Variants in CACNA1E observed in about 807,000 individuals in gnomAD.
CACNA1E encodes voltage-dependent R-type calcium channel subunit alpha-1E.
A neutral mutation model predicts 259.2 loss-of-function variants in CACNA1E; 40 were observed. The ratio of observed to expected loss-of-function variants is 0.15; its 90% CI spans 0.12 to 0.20. The LOEUF (loss-of-function observed/expected upper bound fraction) is 0.20, where lower values mean the gene tolerates loss of function less well. Ranked by LOEUF, CACNA1E falls within the 10% of genes least tolerant of loss-of-function variation. The probability of loss-of-function intolerance (pLI) is 1.00; values close to 1 mark genes in which losing one functional copy is unlikely to be tolerated. For synonymous variants in CACNA1E, 1,104 were observed against 1,138.5 expected, an observed-to-expected ratio of 0.97 and a Z score of 0.61; for missense variants, 1,874 against 3,040.1, an observed-to-expected ratio of 0.62 and a Z score of 9.02.
At chr1:181,779,159 C>T (rs1236372572) in intron 38 of CACNA1E, among the ~76,000 whole-genome samples, 1 of 152,174 alleles carries the variant, frequency 6.6e-6, no homozygotes, top group Non-Finnish European at 1.5e-5. Context: ...CTGCATCTGG[C>T]CAGGTATGGT....
intron 2 of CACNA1E, among the ~76,000 whole-genome samples, chr1:181,452,498 G>A (rs1661216928): frequency 6.6e-6 from 1 of 152,154 alleles, no homozygotes; most frequent in Non-Finnish European, 1.5e-5. Context: ...CCTTGGGCTT[G>A]CAGGTGATGG....
chr1:181,744,723 A>G (rs1656893007), intron 25 of CACNA1E, among the ~76,000 whole-genome samples: 2 of 152,118 alleles, frequency 1.3e-5, no homozygotes, highest in South Asian at 4.1e-4. Flanking sequence ...GGAAGCAGTG[A>G]CTGCACATTA....
At chr1:181,334,183 AC>A (rs139110527) in intron 1 of CACNA1E, among the ~76,000 whole-genome samples, 2,336 of 152,268 alleles carry the variant, frequency 0.015, 56 homozygotes, top group African/African-American at 0.051. Context: ...CTTGACATGG[AC>A]AGGCACTTCT....
chr1:181,725,236 T>A (rs1654791627), intron 17 of CACNA1E, among the ~76,000 whole-genome samples: 1 of 152,238 alleles, frequency 6.6e-6, no homozygotes, highest in Admixed American at 6.5e-5. Context: ...TCTTTCTACA[T>A]CCTTGAGGGT....
Position 181,737,605 on chromosome 1 carries a change from T to G in CACNA1E, c.3503T>G (p.Ile1168Ser). ...CTCCTGGTGATTGCAGCCAGCAGCA[T>G]CGCCCTGGCGGCAGAGGACCCCGTC... is the stretch of plus-strand genomic sequence containing the variant. ...CILLVIAASS[I>S]ALAAEDPVLT... Residue 1168 changes from isoleucine (I) to serine (S), a missense_variant, in exon 23 of 48, where the codon ATC (isoleucine) becomes AGC (serine). Physicochemically the swap from Ile to Ser is moderately radical, Grantham distance 142. Coordinates refer to ENST00000367573, the MANE Select transcript of CACNA1E (RefSeq NM_001205293.3). The G allele has an allele frequency of 6.2e-7, 1 of 1,614,032 alleles. No individual in the cohort carries two copies.
intron 6 of CACNA1E, among the ~76,000 whole-genome samples, chr1:181,620,443 C>G (rs549386075): frequency 1.3e-5 from 2 of 152,218 alleles, no homozygotes; most frequent in South Asian, 2.1e-4. Flanking sequence ...GAATTCATTT[C>G]TTGTTTTTCT....
At chr1:181,435,919 T>G (rs939358306) in intron 2 of CACNA1E, among the ~76,000 whole-genome samples, 8 of 137,590 alleles carry the variant, frequency 5.8e-5, no homozygotes, top group African/African-American at 2.3e-4. Flanking sequence ...AAACATCTGT[T>G]ATCCAAGTGA....
intron 3 of CACNA1E, among the ~76,000 whole-genome samples, chr1:181,520,458 A>G (rs1215601200): frequency 1.3e-5 from 2 of 152,238 alleles, no homozygotes; most frequent in East Asian, 3.8e-4. Flanking sequence ...CTTGAAAAAA[A>G]CCAGCATATA....
intron 2 of CACNA1E, among the ~76,000 whole-genome samples, chr1:181,430,434 C>A (rs1185618028): frequency 6.6e-6 from 1 of 152,206 alleles, no homozygotes; most frequent in Non-Finnish European, 1.5e-5. Context: ...ATCTGTGCAG[C>A]TGCGGGCATG....
chr1:181,644,642 C>T (rs1658098790), intron 6 of CACNA1E, among the ~76,000 whole-genome samples: 1 of 152,098 alleles, frequency 6.6e-6, no homozygotes, highest in Admixed American at 6.5e-5. Flanking sequence ...AATCAAATTC[C>T]CTAGAAACTG....
At position 181,772,341 on chromosome 1, in the gene CACNA1E, C is replaced by A; in HGVS notation, c.5139+110C>A. 5 of 1,071,162 alleles carry A rather than the reference C, an allele frequency of 4.7e-6. No individual in the cohort carries two copies. In the East Asian group the frequency reaches 1.2e-4, roughly 26 times the overall value. The allele number at this position is 1,071,162 out of a possible 1,614,324, so 66.4% of individuals were successfully genotyped here. ...CTTCAGTGTATGTTTGTGCCTCCCT[C>A]CCCTCCTCTCTCCACACCCCCACCA... On this transcript the variant is annotated intron_variant, in intron 37 of 47. Coordinates refer to ENST00000367573, the MANE Select transcript of CACNA1E (RefSeq NM_001205293.3).
At chr1:181,438,053 T>A (rs556632186) in intron 2 of CACNA1E, among the ~76,000 whole-genome samples, 2 of 152,140 alleles carry the variant, frequency 1.3e-5, no homozygotes, top group Non-Finnish European at 2.9e-5. Flanking sequence ...GACACTACCA[T>A]CTATGGTGTG....
At chr1:181,666,953 A>G (rs950571896) in intron 7 of CACNA1E, among the ~76,000 whole-genome samples, 5 of 152,160 alleles carry the variant, frequency 3.3e-5, no homozygotes, top group Admixed American at 6.6e-5. Flanking sequence ...AAATCATAAA[A>G]GGATTCAAAG....
At chr1:181,362,420 G>A (rs1270245500) in intron 1 of CACNA1E, among the ~76,000 whole-genome samples, 2 of 152,216 alleles carry the variant, frequency 1.3e-5, no homozygotes, top group African/African-American at 2.4e-5. Flanking sequence ...CGTGGATACA[G>A]GCTTCATCTG....
At chr1:181,432,617 G>A (rs1330878589) in intron 2 of CACNA1E, among the ~76,000 whole-genome samples, 2 of 152,116 alleles carry the variant, frequency 1.3e-5, no homozygotes, top group Non-Finnish European at 2.9e-5. Context: ...AATGCTTCCA[G>A]AATTAAACAT....
rs544276025 is a variant in CACNA1E, at chr1:181,642,155, C to CTATTT, written c.952-9183_952-9182insTATTT. On this transcript the variant is annotated intron_variant, in intron 6 of 47. Coordinates refer to ENST00000367573, the MANE Select transcript of CACNA1E (RefSeq NM_001205293.3). Reference sequence around the variant, plus strand: ...CTGCATTCTGGTTCTACTTCCGTACCCAATAAGTGGAGTACCTTTTGGCAG... The same window carrying CTATTT: ...CTGCATTCTGGTTCTACTTCCGTACCTATTTCAATAAGTGGAGTACCTTTTGGCAG... Among the ~76,000 whole-genome samples, 475 of 152,180 alleles carry CTATTT rather than the reference C, an allele frequency of 3.1e-3. 2 individuals carry two copies. Among genetic ancestry groups the CTATTT allele is most frequent in the African/African-American group, 0.011 (444 of 41,524 alleles).
chr1:181,730,360 G>A (rs1374459443), intron 18 of CACNA1E, among the ~76,000 whole-genome samples: 2 of 152,218 alleles, frequency 1.3e-5, no homozygotes, highest in African/African-American at 4.8e-5. Flanking sequence ...CTCTAGCTGA[G>A]CATTGAACCT....
chr1:181,469,531 G>GT (rs1662361084), intron 2 of CACNA1E, among the ~76,000 whole-genome samples: 1 of 152,186 alleles, frequency 6.6e-6, no homozygotes, highest in African/African-American at 2.4e-5. Context: ...GGTGAATATA[G>GT]TACCAGACAA....
chr1:181,771,374 C>G lies in CACNA1E; in HGVS notation c.4963C>G (p.Leu1655Val). The G allele has an allele frequency of 6.3e-7, 1 of 1,577,420 alleles. No homozygotes were observed. The highest frequency in any genetic ancestry group is 8.7e-7 in the Non-Finnish European group (1 of 1,150,364). Residue 1655 changes from leucine to valine, a missense_variant, in exon 36 of 48, where the codon CTA (leucine) becomes GTA (valine). Around this residue, in one of 14 missense-constraint regions of CACNA1E, gnomAD observed 147 missense variants for 337.1 expected, o/e 0.44. Transcript: ENST00000367573. ...CCGGAGTTTCTTTGGGTCCCTAATG[C>G]TACTCTTCAGGTACCTGGATGCGTA... ...NFRSFFGSLM[L>V]LFRSATGEAW...
Sources: allele counts gnomAD v4.1 joint callset (sites outside exome capture counted in the v4.1 genomes callset), GRCh38; gene constraint gnomAD v4.1.1; regional missense constraint gnomAD v4.1.1; transcripts MANE v1.5; gene names NCBI Gene and HGNC (gene_info 2026-07-23, HGNC 2026-07-21).